ZNF106: variants seen among roughly 807,000 people sequenced by gnomAD.
The protein encoded by ZNF106 is zinc finger protein 106, also known as SH3-domain binding protein 3.
Under a neutral mutation model 195.1 loss-of-function variants are expected in ZNF106, and 67 were observed. The ratio of observed to expected loss-of-function variants is 0.34; its 90% CI spans 0.28 to 0.42. ZNF106 has a LOEUF of 0.42. ZNF106 is among the 10% of genes least tolerant of loss of function. The probability of loss-of-function intolerance (pLI) is 1.00; values close to 1 mark genes in which losing one functional copy is unlikely to be tolerated. For missense variants in ZNF106, 2,118 were observed against 2,304.5 expected (o/e 0.92, Z 1.66); for synonymous variants, 784 against 818.6 (o/e 0.96, Z 0.72).
intron 1 of ZNF106, among the ~76,000 whole-genome samples, chr15:42,489,628 G>A (rs1342010133): frequency 6.6e-6 from 1 of 152,220 alleles, no homozygotes; most frequent in Non-Finnish European, 1.5e-5. Flanking sequence ...AGTTGCATCT[G>A]AAAATTGTCT....
intron 2 of ZNF106, among the ~76,000 whole-genome samples, chr15:42,469,180 C>G (rs979381744): frequency 1.3e-5 from 2 of 151,508 alleles, no homozygotes; most frequent in Non-Finnish European, 2.9e-5. Context: ...AGCAAAACGC[C>G]GTCTAAAAAA....
chr15:42,467,203 G>A (rs986239033), intron 2 of ZNF106, among the ~76,000 whole-genome samples: 1 of 152,112 alleles, frequency 6.6e-6, no homozygotes, highest in Non-Finnish European at 1.5e-5. Flanking sequence ...AGCTATAAAT[G>A]TCTATCCCTT....
chr15:42,439,986 A>ACTAC (rs928406048), intron 10 of ZNF106, among the ~76,000 whole-genome samples, 173 bp from the exon 11 acceptor site: 3 of 152,116 alleles, frequency 2.0e-5, no homozygotes, highest in Non-Finnish European at 4.4e-5. Context: ...GACAACACTT[A>ACTAC]CTACCCTCTG....
chr15:42,423,342 C>T (rs1032820181), intron 17 of ZNF106, among the ~76,000 whole-genome samples: 4 of 151,556 alleles, frequency 2.6e-5, no homozygotes, highest in African/African-American at 9.7e-5. Flanking sequence ...TGCACTCCAG[C>T]CTGGGGGACA....
At chr15:42,477,114 ATAT>A (rs2056801740) in intron 1 of ZNF106, among the ~76,000 whole-genome samples, 1 of 152,026 alleles carries the variant, frequency 6.6e-6, no homozygotes, top group Non-Finnish European at 1.5e-5. Context: ...GGGTTTGTTA[ATAT>A]TATTAATCTT....
At chr15:42,474,371 T>C (rs576151743) in intron 1 of ZNF106, among the ~76,000 whole-genome samples, 1 of 152,346 alleles carries the variant, frequency 6.6e-6, no homozygotes, top group South Asian at 2.1e-4. Context: ...GTATGACATA[T>C]CATAAGGAAT....
chr15:42,470,498 C>G (rs1302668551), intron 2 of ZNF106, among the ~76,000 whole-genome samples: 1 of 151,842 alleles, frequency 6.6e-6, no homozygotes, highest in Non-Finnish European at 1.5e-5. Flanking sequence ...AAAACTACAA[C>G]CAGCTTTTCC....
chr15:42,455,671 G>T (rs889467658), intron 4 of ZNF106, among the ~76,000 whole-genome samples: 4 of 152,116 alleles, frequency 2.6e-5, no homozygotes, highest in Non-Finnish European at 5.9e-5. Flanking sequence ...CTGAGCCACC[G>T]TTCCTCCCGG....
intron 2 of ZNF106, among the ~76,000 whole-genome samples, chr15:42,468,750 T>A (rs28664915): frequency 1.4e-5 from 2 of 148,016 alleles, no homozygotes; most frequent in African/African-American, 5.0e-5. Context: ...TCAAAAAAAA[T>A]AAAAAATAAA....
chr15:42,442,918 G>A (rs964822566), intron 9 of ZNF106, among the ~76,000 whole-genome samples: 1 of 151,936 alleles, frequency 6.6e-6, no homozygotes, highest in African/African-American at 2.4e-5. Flanking sequence ...TGAGTAGCTG[G>A]GATTACAGGA....
At chr15:42,442,796 T>A (rs2055606032) in intron 9 of ZNF106, among the ~76,000 whole-genome samples, 2 of 151,570 alleles carry the variant, frequency 1.3e-5, no homozygotes, top group Non-Finnish European at 1.5e-5. Context: ...TTGTTATTAT[T>A]TTTTTGAGAC....
At chr15:42,418,357 C>CTTTT (rs540271844) in intron 20 of ZNF106, among the ~76,000 whole-genome samples, 8 of 122,870 alleles carry the variant, frequency 6.5e-5, no homozygotes, top group East Asian at 2.3e-4. Context: ...ATCGAAAGGG[C>CTTTT]TTTTTTTTTT....
chr15:42,475,818 A>G (rs1301618683), intron 1 of ZNF106, among the ~76,000 whole-genome samples: 1 of 152,202 alleles, frequency 6.6e-6, no homozygotes, highest in Non-Finnish European at 1.5e-5. Flanking sequence ...TCCAATTATT[A>G]ACCACCAAAG....
intron 1 of ZNF106, among the ~76,000 whole-genome samples, chr15:42,480,362 T>C (rs1364226060): frequency 6.6e-6 from 1 of 152,170 alleles, no homozygotes; most frequent in Non-Finnish European, 1.5e-5. Context: ...GATATAAATA[T>C]AACCACTCTA....
intron 10 of ZNF106, 104 bp from the exon 11 acceptor site, chr15:42,439,917 A>G (rs750901455): frequency 1.5e-5 from 19 of 1,252,134 alleles, no homozygotes; most frequent in Non-Finnish European, 1.9e-5. Flanking sequence ...TCAGAAAACC[A>G]TGACTGTTTC....
chr15:42,426,563 C>CTTTT (rs539711765), intron 15 of ZNF106, among the ~76,000 whole-genome samples: 3 of 115,742 alleles, frequency 2.6e-5, no homozygotes, highest in Non-Finnish European at 5.3e-5. Flanking sequence ...CCATACTTAG[C>CTTTT]TTTTTTTTTT....
chr15:42,413,002 A>T lies in ZNF106; in HGVS notation c.*4302T>A, dbSNP rs1595851837. The T allele has an allele frequency of 6.6e-6, 1 of 152,322 alleles. No individual in the cohort carries two copies. Among genetic ancestry groups the T allele is most frequent in the East Asian group, 1.9e-4 (1 of 5,188 alleles). 9.4% of individuals were successfully genotyped at this position (152,322 alleles called of 1,614,324 possible). The stretch of plus-strand genomic sequence containing the variant: ...CCATATTCAATATTAAAAAAATCAG[A>T]AACCAAGGGTGCTGGAGCAGCTCTA... On this transcript the variant is annotated 3_prime_UTR_variant, in exon 22 of 22. Coordinates refer to ENST00000564754, the MANE Select transcript of ZNF106 (RefSeq NM_001366845.3).
chr15:42,457,224 G>A (rs756380647), intron 3 of ZNF106, 66 bp from the exon 4 acceptor site: 2 of 1,610,720 alleles, frequency 1.2e-6, no homozygotes. Context: ...CACCAGATCT[G>A]TTATTGTTTC....
intron 6 of ZNF106, among the ~76,000 whole-genome samples, chr15:42,447,166 A>G (rs1044942690): frequency 5.3e-5 from 8 of 152,244 alleles, no homozygotes; most frequent in African/African-American, 1.9e-4. Context: ...CAGAATTGCA[A>G]TTTGAAGCAA....
Sources: gnomAD v4.1 joint callset for allele counts (sites outside exome capture counted in the v4.1 genomes callset) on GRCh38, gnomAD v4.1.1 for gene constraint, MANE v1.5 for transcripts, NCBI Gene and HGNC (gene_info 2026-07-23, HGNC 2026-07-21) for gene names.